ADCY2: variants seen among roughly 807,000 people sequenced by gnomAD.
The protein encoded by ADCY2 is adenylate cyclase 2, also known as adenylate cyclase type 2.
ADCY2 carries 31 observed loss-of-function variants against 125.2 expected under a neutral mutation model. The ratio of observed to expected loss-of-function variants is 0.25; its 90% CI spans 0.19 to 0.33. The LOEUF (loss-of-function observed/expected upper bound fraction) is 0.33. Among genes scored for constraint, ADCY2 ranks in the 10% least tolerant of loss-of-function variants. The pLI is 1.00. For missense variants in ADCY2, 904 were observed against 1,418.2 expected (o/e 0.64, Z 5.82); for synonymous variants, 512 against 548.4 (o/e 0.93, Z 0.93).
At chr5:7,489,120 T>C (rs1743058548) in intron 2 of ADCY2, among the ~76,000 whole-genome samples, 1 of 152,148 alleles carries the variant, frequency 6.6e-6, no homozygotes. Context: ...CCACTCCCAT[T>C]TCTACTGTGA....
Position 7,757,479 on chromosome 5 carries a change from A to T in ADCY2, c.1987A>T (p.Met663Leu), listed in dbSNP as rs550831908. ...QCSKKASPLL[M>L]WLLKSSGIIA... ...CAGCAAAAAAGCCTCTCCCCTGCTCATGTGGCTTTTGAAGTCCTCGGGCAT... is the reference window on the plus strand; with the variant it reads ...CAGCAAAAAAGCCTCTCCCCTGCTCTTGTGGCTTTTGAAGTCCTCGGGCAT... Residue 663 changes from methionine to leucine, a missense_variant, in exon 16 of 25, where the codon ATG (methionine) becomes TTG (leucine). Transcript: ENST00000338316. 1.1e-5 allele frequency: 18 copies of T among 1,614,042 alleles called. No homozygotes were observed. In the African/African-American group the frequency reaches 1.3e-4, roughly 12 times the overall value.
chr5:7,818,589 G>T (rs1023023546), intron 23 of ADCY2, among the ~76,000 whole-genome samples: 1 of 152,078 alleles, frequency 6.6e-6, no homozygotes, highest in Non-Finnish European at 1.5e-5. Flanking sequence ...AGTATATTTA[G>T]TAGAGACATG....
At chr5:7,517,680 C>T (rs1349929047) in intron 2 of ADCY2, among the ~76,000 whole-genome samples, 1 of 152,178 alleles carries the variant, frequency 6.6e-6, no homozygotes, top group Non-Finnish European at 1.5e-5. Context: ...ATAATGAATA[C>T]TTAACAGGGA....
intron 2 of ADCY2, among the ~76,000 whole-genome samples, chr5:7,437,265 T>A (rs954428855): frequency 6.6e-6 from 1 of 152,192 alleles, no homozygotes; most frequent in Non-Finnish European, 1.5e-5. Flanking sequence ...CAGAGCTATG[T>A]AAAATGATGG....
chr5:7,646,833 C>T (rs1738914235), intron 4 of ADCY2, among the ~76,000 whole-genome samples: 2 of 152,148 alleles, frequency 1.3e-5, no homozygotes, highest in South Asian at 4.1e-4. Flanking sequence ...ACCAGCAAGG[C>T]ATAGGGTGGA....
chr5:7,526,129 C>T (rs1734450957), intron 3 of ADCY2, among the ~76,000 whole-genome samples: 1 of 152,242 alleles, frequency 6.6e-6, no homozygotes, highest in Non-Finnish European at 1.5e-5. Flanking sequence ...CCCTCCTCTG[C>T]TCAGGCTCTG....
intron 4 of ADCY2, among the ~76,000 whole-genome samples, chr5:7,681,365 G>A (rs925778296): frequency 1.3e-5 from 2 of 152,156 alleles, no homozygotes; most frequent in African/African-American, 4.8e-5. Context: ...TTATCTCCTG[G>A]GTTGTATCTT....
At chr5:7,735,705 C>T (rs966215310) in intron 14 of ADCY2, among the ~76,000 whole-genome samples, 26 of 152,252 alleles carry the variant, frequency 1.7e-4, no homozygotes, top group African/African-American at 6.0e-4. Context: ...AACCTTTTTA[C>T]TTGTGGCTGG....
chr5:7,769,003 C>G (rs187506316), intron 17 of ADCY2, among the ~76,000 whole-genome samples: 1 of 152,304 alleles, frequency 6.6e-6, no homozygotes, highest in East Asian at 1.9e-4. Flanking sequence ...AAACAGGCGT[C>G]ATTTCTCTCA....
chr5:7,824,501 A>T (rs1048363475), intron 24 of ADCY2, among the ~76,000 whole-genome samples: 2 of 152,320 alleles, frequency 1.3e-5, no homozygotes, highest in African/African-American at 2.4e-5. Flanking sequence ...CGCTCGTCCA[A>T]TGACTGCAGA....
At chr5:7,568,588 G>A (rs1735979197) in intron 3 of ADCY2, among the ~76,000 whole-genome samples, 1 of 152,116 alleles carries the variant, frequency 6.6e-6, no homozygotes. Flanking sequence ...TGACCATAGT[G>A]TTGGCTTCTA....
At chr5:7,720,446 G>A (rs558213133) in intron 12 of ADCY2, among the ~76,000 whole-genome samples, 9 of 152,066 alleles carry the variant, frequency 5.9e-5, no homozygotes, top group East Asian at 5.8e-4. Flanking sequence ...TGTGCACAAC[G>A]TGCAGGTTTG....
intron 7 of ADCY2, among the ~76,000 whole-genome samples, chr5:7,702,141 C>T (rs62343024): frequency 4.4e-4 from 67 of 151,828 alleles, no homozygotes; most frequent in Non-Finnish European, 7.4e-4. Context: ...CCTGTAATCC[C>T]AGAGCTTTGG....
chr5:7,614,363 A>T (rs1737678267), intron 3 of ADCY2, among the ~76,000 whole-genome samples: 1 of 151,976 alleles, frequency 6.6e-6, no homozygotes, highest in Non-Finnish European at 1.5e-5. Context: ...CCCCAAAACC[A>T]GCTTCTTGGT....
intron 3 of ADCY2, among the ~76,000 whole-genome samples, chr5:7,572,556 G>T (rs1736099393): frequency 2.0e-5 from 3 of 152,210 alleles, no homozygotes; most frequent in Admixed American, 6.5e-5. Flanking sequence ...ACCTTTGTCA[G>T]ATGCATAGTT....
rs112959937 is a variant in ADCY2 at position 7,527,758 on chromosome 5, T to C, written c.570+6859T>C. Among the ~76,000 whole-genome samples, 1,114 of 152,360 alleles carry C rather than the reference T, an allele frequency of 7.3e-3. 16 individuals carry two copies. The highest frequency in any genetic ancestry group is 0.025 in the African/African-American group (1,022 of 41,592). On this transcript the variant is annotated intron_variant, in intron 3 of 24. Coordinates refer to ENST00000338316, the MANE Select transcript of ADCY2 (RefSeq NM_020546.3). ...TACAGCAAATCATCTATGCCAAGTGTGTAATCAATAGCAATGTGGATTTGT... is the reference window on the plus strand; with the variant it reads ...TACAGCAAATCATCTATGCCAAGTGCGTAATCAATAGCAATGTGGATTTGT...
chr5:7,705,098 G>A (rs149960774), intron 7 of ADCY2, among the ~76,000 whole-genome samples: 2 of 152,246 alleles, frequency 1.3e-5, no homozygotes, highest in East Asian at 1.9e-4. Flanking sequence ...AACGCCACGT[G>A]GTTGGAAATG....
At chr5:7,451,275 G>T (rs1254906522) in intron 2 of ADCY2, among the ~76,000 whole-genome samples, 1 of 152,206 alleles carries the variant, frequency 6.6e-6, no homozygotes, top group Non-Finnish European at 1.5e-5. Context: ...TCATGTTCAT[G>T]GGAGGAAGTC....
chr5:7,521,557 T>C (rs557281438), intron 3 of ADCY2, among the ~76,000 whole-genome samples: 1 of 152,334 alleles, frequency 6.6e-6, no homozygotes, highest in Non-Finnish European at 1.5e-5. Flanking sequence ...AAAAGTGCAT[T>C]TAATTTGCTC....
Sources: gnomAD v4.1 joint callset for allele counts (sites outside exome capture counted in the v4.1 genomes callset) on GRCh38, gnomAD v4.1.1 for gene constraint, MANE v1.5 for transcripts, NCBI Gene and HGNC (gene_info 2026-07-23, HGNC 2026-07-21) for gene names.